VPS13B: variants seen among roughly 807,000 people sequenced by gnomAD.
The protein encoded by VPS13B is intermembrane lipid transfer protein VPS13B.
Under a neutral mutation model 426.4 loss-of-function variants are expected in VPS13B, and 285 were observed. The ratio of observed to expected loss-of-function variants is 0.67; its 90% CI spans 0.61 to 0.74. The LOEUF (loss-of-function observed/expected upper bound fraction) is 0.74. Among genes scored for constraint, VPS13B ranks in the 30% least tolerant of loss-of-function variants. The pLI is 0.00. For missense variants in VPS13B, 4,537 were observed against 4,782.6 expected, an observed-to-expected ratio of 0.95 and a Z score of 1.51; for synonymous variants, 1,676 against 1,676.4, an observed-to-expected ratio of 1.00 and a Z score of 0.01.
At chr8:99,864,780 G>A (rs1283162779) in intron 58 of VPS13B, among the ~76,000 whole-genome samples, 1 of 152,176 alleles carries the variant, frequency 6.6e-6, no homozygotes, top group Non-Finnish European at 1.5e-5. Flanking sequence ...AACTTTGGAT[G>A]AGGTAAAGCG....
intron 24 of VPS13B, among the ~76,000 whole-genome samples, chr8:99,468,650 G>A (rs938120880): frequency 2.0e-5 from 3 of 152,184 alleles, no homozygotes; most frequent in East Asian, 3.9e-4. Context: ...GAAGTTAGAG[G>A]CTGTAGTGTG....
At chr8:99,339,932 T>A (rs182817798) in intron 19 of VPS13B, among the ~76,000 whole-genome samples, 2 of 152,340 alleles carry the variant, frequency 1.3e-5, no homozygotes, top group Non-Finnish European at 2.9e-5. Context: ...TTTTGTTTAA[T>A]GCCAACAAAT....
At chr8:99,735,969 C>A (rs997455457) in intron 39 of VPS13B, among the ~76,000 whole-genome samples, 3 of 152,158 alleles carry the variant, frequency 2.0e-5, no homozygotes, top group African/African-American at 7.2e-5. Flanking sequence ...GTGTTCTCTG[C>A]GCTTGGGTCG....
chr8:99,156,887 C>G, intron 15 of VPS13B, 144 bp downstream of exon 15: 2 of 668,260 alleles, frequency 3.0e-6, no homozygotes, highest in Non-Finnish European at 4.7e-6. Context: ...TGTATTTATT[C>G]CAATAAATTA....
chr8:99,116,542 T>C (rs1588054988), intron 7 of VPS13B, among the ~76,000 whole-genome samples: 1 of 152,154 alleles, frequency 6.6e-6, no homozygotes, highest in African/African-American at 2.4e-5. Context: ...CAGGTGATCC[T>C]TCTACCCCAG....
At chr8:99,256,799 G>A (rs1356372417) in intron 17 of VPS13B, among the ~76,000 whole-genome samples, 1 of 152,084 alleles carries the variant, frequency 6.6e-6, no homozygotes, top group African/African-American at 2.4e-5. Context: ...CGTCTCATCA[G>A]ATAAGTGATT....
intron 39 of VPS13B, among the ~76,000 whole-genome samples, chr8:99,728,822 C>T (rs1393019756): frequency 6.6e-6 from 1 of 152,156 alleles, no homozygotes; most frequent in Non-Finnish European, 1.5e-5. Context: ...AGTGGGCAGT[C>T]CTGGAAACAA....
intron 34 of VPS13B, among the ~76,000 whole-genome samples, chr8:99,646,577 C>A (rs183476604): frequency 2.6e-5 from 4 of 152,072 alleles, no homozygotes; most frequent in African/African-American, 7.2e-5. Context: ...GGCAACTGGC[C>A]AATAGCAATT....
In VPS13B at chr8:99,019,534, T is replaced by A. The variant is rs966206578; in HGVS notation, c.147+5599T>A. Among the ~76,000 whole-genome samples the A allele has an allele frequency of 2.6e-5, 4 of 152,284 alleles. No individual in the cohort carries two copies. In the East Asian group the frequency reaches 7.7e-4, roughly 29 times the overall value. Reference sequence around the variant, plus strand: ...CATTTTTAAATGTACGATTCTGTGGTATTACGTATGTTTACATTGTTGTGC... The same window carrying A: ...CATTTTTAAATGTACGATTCTGTGGAATTACGTATGTTTACATTGTTGTGC... On this transcript the variant is annotated intron_variant, in intron 2 of 61. Transcript: ENST00000357162.
At position 99,853,988 on chromosome 8, in the gene VPS13B, C is replaced by T; in HGVS notation, c.10599C>T (p.Ser3533=). The change falls in exon 56 of 62, where the codon TCC becomes TCT. Residue 3533 remains serine (S), a synonymous_variant. Transcript: ENST00000357162. ...YLPNSRLAGH[S]THLSGGKQVL... ...CTAACAGCAGGTTGGCTGGTCACTCCACACACCTCTCCGGGGGTAAACAGG... is the reference window on the plus strand; with the variant it reads ...CTAACAGCAGGTTGGCTGGTCACTCTACACACCTCTCCGGGGGTAAACAGG... 1 of 1,614,218 alleles carries T rather than the reference C, an allele frequency of 6.2e-7. No individual in the cohort carries two copies. Among genetic ancestry groups the T allele is most frequent in the Non-Finnish European group, 8.5e-7 (1 of 1,180,046 alleles).
rs190223127 is a variant in VPS13B at position 99,865,106 on chromosome 8, C to T, written c.11215+3160C>T. ...GTGTCTGCTGGCTGAGAGATGCTGC[C>T]GAGGCCTTTGGATGAGCTCCATGAC... On this transcript the variant is annotated intron_variant, in intron 58 of 61. Coordinates refer to ENST00000357162, the MANE Select transcript of VPS13B (RefSeq NM_152564.5). Among the ~76,000 whole-genome samples the T allele has an allele frequency of 1.6e-4, 25 of 152,184 alleles. 1 individual carries two copies. The South Asian group carries it at 4.4e-3, about 27-fold the overall frequency.
At chr8:99,243,259 T>C (rs982219508) in intron 17 of VPS13B, among the ~76,000 whole-genome samples, 1 of 152,220 alleles carries the variant, frequency 6.6e-6, no homozygotes, top group Non-Finnish European at 1.5e-5. Flanking sequence ...CTGAATGAAC[T>C]CTTGATCAGG....
chr8:99,577,852 T>G (rs759003152), intron 33 of VPS13B: 1 of 592,860 alleles, frequency 1.7e-6, no homozygotes, highest in South Asian at 2.0e-5. Context: ...GCAAAATTGC[T>G]GTGGACTGAC....
Position 99,857,039 on chromosome 8 carries a change from C to T in VPS13B, c.10868-2265C>T, listed in dbSNP as rs574383781. Among the ~76,000 whole-genome samples, 65 of 152,294 alleles carry T rather than the reference C, an allele frequency of 4.3e-4. No homozygotes were observed. The South Asian group carries it at 0.013, about 31-fold the overall frequency. On this transcript the variant is annotated intron_variant, in intron 56 of 61. Transcript: ENST00000357162. Reference sequence around the variant, plus strand: ...AGCCAGGCAGACTCCCTTCTTCAACCAATTTCCAAACGACTGAGCAAAAGA... The same window carrying T: ...AGCCAGGCAGACTCCCTTCTTCAACTAATTTCCAAACGACTGAGCAAAAGA...
chr8:99,330,737 G>A lies in VPS13B; in HGVS notation c.2825-53471G>A, dbSNP rs533439746. Among the ~76,000 whole-genome samples the A allele has an allele frequency of 2.0e-5, 3 of 151,752 alleles. No individual in the cohort carries two copies. In the South Asian group the frequency reaches 6.2e-4, roughly 31 times the overall value. On this transcript the variant is annotated intron_variant, in intron 19 of 61. Coordinates refer to ENST00000357162, the MANE Select transcript of VPS13B (RefSeq NM_152564.5). Reference sequence around the variant, plus strand: ...CACTGGCTACCTCAAGAAGTTATTTGATCTAGTCATTGTCTTCAACCAGAA... The same window carrying A: ...CACTGGCTACCTCAAGAAGTTATTTAATCTAGTCATTGTCTTCAACCAGAA...
chr8:99,414,932 C>T (rs1310359508), intron 21 of VPS13B, among the ~76,000 whole-genome samples: 1 of 152,018 alleles, frequency 6.6e-6, no homozygotes, highest in Non-Finnish European at 1.5e-5. Context: ...CTCTGTATTT[C>T]CTGCATTTGA....
intron 27 of VPS13B, among the ~76,000 whole-genome samples, chr8:99,505,970 C>T (rs1385088437): frequency 6.6e-6 from 1 of 152,100 alleles, no homozygotes; most frequent in Non-Finnish European, 1.5e-5. Flanking sequence ...TAAATATATA[C>T]ATTGCCATAT....
intron 17 of VPS13B, among the ~76,000 whole-genome samples, chr8:99,245,219 T>C (rs764067363): frequency 2.6e-5 from 4 of 152,246 alleles, no homozygotes; most frequent in Non-Finnish European, 5.9e-5. Flanking sequence ...ATCAAATCCT[T>C]AGTTTTTCAG....
intron 3 of VPS13B, among the ~76,000 whole-genome samples, chr8:99,065,282 A>AATCCAGCAGCACATCAAAAAGCTT (rs1425301211): frequency 1.3e-5 from 2 of 152,162 alleles, no homozygotes; most frequent in Non-Finnish European, 2.9e-5. Flanking sequence ...TGGCAAACCA[A>AATCCAGCAGCACATCAAAAAGCTT]ATCCAGCAGC....
Sources: allele counts gnomAD v4.1 joint callset (sites outside exome capture counted in the v4.1 genomes callset), GRCh38; gene constraint gnomAD v4.1.1; transcripts MANE v1.5; gene names NCBI Gene and HGNC (gene_info 2026-07-23, HGNC 2026-07-21).